Variants in KLHL3 observed in about 807,000 individuals in gnomAD.
KLHL3 encodes kelch like family member 3.
In KLHL3, 19 loss-of-function variants were observed where a neutral mutation model predicts 70.5. The observed-to-expected ratio is 0.27, with a 90% CI of 0.19 to 0.40. The LOEUF is 0.40. Among genes scored for constraint, KLHL3 ranks in the 10% least tolerant of loss-of-function variants. KLHL3 has a pLI of 1.00. For missense variants in KLHL3, 512 were observed against 771.1 expected (o/e 0.66, Z 3.98); for synonymous variants, 258 against 290.3 (o/e 0.89, Z 1.13).
At chr5:137,634,685 G>A (rs1750725082) in intron 11 of KLHL3, among the ~76,000 whole-genome samples, 1 of 152,222 alleles carries the variant, frequency 6.6e-6, no homozygotes, top group Non-Finnish European at 1.5e-5. Context: ...CAGGTAGAGT[G>A]TGTGAATGGA....
chr5:137,634,294 GACC>G (rs1470815891), intron 11 of KLHL3, 129 bp from the exon 12 acceptor site: 2 of 1,000,988 alleles, frequency 2.0e-6, no homozygotes, highest in East Asian at 5.5e-5. Flanking sequence ...TTCTCCAGGG[GACC>G]ACCAACTTAC....
intron 4 of KLHL3, among the ~76,000 whole-genome samples, chr5:137,697,618 A>G (rs1165389652): frequency 1.3e-5 from 2 of 152,240 alleles, no homozygotes; most frequent in East Asian, 1.9e-4. Context: ...ACCCAACCTC[A>G]TAAGACAGAA....
At chr5:137,693,328 C>T (rs1308364973) in intron 4 of KLHL3, among the ~76,000 whole-genome samples, 1 of 152,220 alleles carries the variant, frequency 6.6e-6, no homozygotes, top group Admixed American at 6.5e-5. Flanking sequence ...TCACAGGACA[C>T]ATGACTATTT....
intron 10 of KLHL3, among the ~76,000 whole-genome samples, chr5:137,638,389 A>G (rs1222346005): frequency 2.6e-5 from 4 of 152,236 alleles, no homozygotes; most frequent in Non-Finnish European, 5.9e-5. Context: ...TGGCAGTATA[A>G]GCAGAGATGA....
At chr5:137,635,569 A>G (rs1750746649) in intron 11 of KLHL3, among the ~76,000 whole-genome samples, 1 of 152,186 alleles carries the variant, frequency 6.6e-6, no homozygotes, top group Admixed American at 6.5e-5. Flanking sequence ...CTGTATAGCC[A>G]TGGTAATGAG....
At chr5:137,677,248 A>G (rs1054679073) in intron 6 of KLHL3, among the ~76,000 whole-genome samples, 21 of 152,042 alleles carry the variant, frequency 1.4e-4, no homozygotes, top group Admixed American at 8.5e-4. Context: ...GGAGTTCAAG[A>G]CCAGTCTGGT....
At chr5:137,714,359 T>A (rs1752854408) in intron 2 of KLHL3, among the ~76,000 whole-genome samples, 1 of 151,984 alleles carries the variant, frequency 6.6e-6, no homozygotes, top group Admixed American at 6.6e-5. Context: ...AAAACATACA[T>A]CCACACAAAA....
At position 137,672,507 on chromosome 5, in the gene KLHL3, T is replaced by G. The variant is rs374427564; in HGVS notation, c.636+5038A>C. ...CTATAGTTCTTATTCCAGAACATAC[T>G]TAACACTAATTTTTTAAAAAGACTT... On this transcript the variant is annotated intron_variant, in intron 6 of 14. Coordinates refer to ENST00000309755, the MANE Select transcript of KLHL3 (RefSeq NM_017415.3). Among the ~76,000 whole-genome samples, 39 of 152,324 alleles carry G rather than the reference T, an allele frequency of 2.6e-4. No homozygotes were observed. In the South Asian group the frequency reaches 5.8e-3, roughly 23 times the overall value.
At chr5:137,638,875 G>T in intron 10 of KLHL3, 78 bp downstream of exon 10, 1 of 1,400,212 alleles carries the variant, frequency 7.1e-7, no homozygotes, top group Non-Finnish European at 9.9e-7. Flanking sequence ...AGTTGGTCCA[G>T]AACTGGCTGA....
intron 1 of KLHL3, chr5:137,720,883 C>G: frequency 8.6e-7 from 1 of 1,159,432 alleles, no homozygotes; most frequent in South Asian, 2.5e-5. Context: ...ACTAAGCACT[C>G]TATCACTCAC....
chr5:137,662,382 T>A (rs1425110074), intron 6 of KLHL3, among the ~76,000 whole-genome samples: 3 of 151,974 alleles, frequency 2.0e-5, no homozygotes, highest in African/African-American at 7.3e-5. Context: ...TACAGAGCAG[T>A]AACTGTGAAC....
rs1441066592 is a variant in KLHL3, at chr5:137,677,596, C to A, written c.585G>T (p.Gln195His). The change falls in exon 6 of 15, where the codon CAG becomes CAT. Residue 195 changes from glutamine (Q) to histidine (H), a missense_variant. Coordinates refer to ENST00000309755, the MANE Select transcript of KLHL3 (RefSeq NM_017415.3). ...TGTCGCTGGATATCAAGCTGCACACCTGGTCCAGACTCAGGCTAAGAAATT... is the reference window on the plus strand; with the variant it reads ...TGTCGCTGGATATCAAGCTGCACACATGGTCCAGACTCAGGCTAAGAAATT... ...GEEFLSLSLD[Q>H]VCSLISSDKL... 3 of 1,610,686 alleles carry A rather than the reference C, an allele frequency of 1.9e-6. No homozygotes were observed. Among genetic ancestry groups the A allele is most frequent in the Non-Finnish European group, 2.5e-6 (3 of 1,178,508 alleles).
chr5:137,646,762 A>T (rs944204072), intron 8 of KLHL3, among the ~76,000 whole-genome samples: 1 of 152,232 alleles, frequency 6.6e-6, no homozygotes, highest in Non-Finnish European at 1.5e-5. Flanking sequence ...TGCCTTTATT[A>T]GAAATTACTC....
chr5:137,688,360 T>G (rs1051565365), intron 5 of KLHL3, among the ~76,000 whole-genome samples: 5 of 152,082 alleles, frequency 3.3e-5, no homozygotes, highest in African/African-American at 4.8e-5. Flanking sequence ...GCTCACTCAT[T>G]CAGTGAGGGA....
intron 3 of KLHL3, chr5:137,706,260 C>G (rs1223290838): frequency 1.0e-6 from 1 of 985,342 alleles, no homozygotes; most frequent in Non-Finnish European, 1.2e-6. Context: ...TTTAAACACA[C>G]TGATAGAAAT....
At chr5:137,733,700 A>T (rs1753215897) in intron 1 of KLHL3, among the ~76,000 whole-genome samples, 1 of 152,234 alleles carries the variant, frequency 6.6e-6, no homozygotes, top group Non-Finnish European at 1.5e-5. Context: ...TTGGAAGGGA[A>T]AGACATCCAG....
intron 14 of KLHL3, among the ~76,000 whole-genome samples, chr5:137,624,149 C>T (rs1257357028): frequency 6.6e-6 from 1 of 152,136 alleles, no homozygotes; most frequent in Non-Finnish European, 1.5e-5. Flanking sequence ...ACAAGTAAGG[C>T]CCCAATAAAT....
chr5:137,633,654 C>T (rs77278460), intron 12 of KLHL3, among the ~76,000 whole-genome samples: 2,224 of 152,310 alleles, frequency 0.015, 26 homozygotes, highest in Non-Finnish European at 0.024. Flanking sequence ...AAATCATGTC[C>T]TTTGCAGCAA....
At chr5:137,718,986 A>G (rs1461525880) in intron 2 of KLHL3, among the ~76,000 whole-genome samples, 1 of 152,230 alleles carries the variant, frequency 6.6e-6, no homozygotes, top group East Asian at 1.9e-4. Flanking sequence ...CCCACTCAAC[A>G]CACACTTCTT....
Sources: allele counts gnomAD v4.1 joint callset (sites outside exome capture counted in the v4.1 genomes callset), GRCh38; gene constraint gnomAD v4.1.1; transcripts MANE v1.5; gene names NCBI Gene and HGNC (gene_info 2026-07-23, HGNC 2026-07-21).